Variants in GRIP1 observed in about 807,000 individuals in gnomAD.
GRIP1 encodes glutamate receptor interacting protein 1, also known as glutamate receptor-interacting protein 1.
GRIP1 carries 45 observed loss-of-function variants against 129.9 expected under a neutral mutation model. The ratio of observed to expected loss-of-function variants is 0.35; its 90% CI spans 0.27 to 0.44. GRIP1 has a LOEUF of 0.44. GRIP1 is among the 20% of genes least tolerant of loss of function. GRIP1 has a pLI of 1.00. For synonymous variants in GRIP1, 530 were observed against 520.8 expected, an observed-to-expected ratio of 1.02 and a Z score of -0.24; for missense variants, 1,196 against 1,396.8, an observed-to-expected ratio of 0.86 and a Z score of 2.29.
intron 1 of GRIP1, among the ~76,000 whole-genome samples, chr12:66,605,032 T>C (rs1267724075): frequency 7.0e-6 from 1 of 143,424 alleles, no homozygotes; most frequent in Non-Finnish European, 1.5e-5. Flanking sequence ...AACTAATGAA[T>C]ATGAAATTCA....
chr12:66,617,083 T>TTGTGTGTGTG (rs201866463), intron 1 of GRIP1, among the ~76,000 whole-genome samples: 1 of 51,152 alleles, frequency 2.0e-5, no homozygotes, highest in Non-Finnish European at 4.6e-5. Flanking sequence ...GCAACAGACG[T>TTGTGTGTGTG]TTTGTGTGTG....
chr12:66,401,592 A>ATGTG lies in GRIP1; in HGVS notation c.1984+4687_1984+4690dup, dbSNP rs760180986. On this transcript the variant is annotated intron_variant, in intron 16 of 24. Coordinates refer to ENST00000359742, the MANE Select transcript of GRIP1 (RefSeq NM_001366722.1). Reference sequence around the variant, plus strand: ...AAAATTCCGTCTCAAAAAAAAAAATATGTGTGTATATATATATACACACAC... The same window carrying ATGTG: ...AAAATTCCGTCTCAAAAAAAAAAATATGTGTGTGTGTATATATATATACACACAC... 9.4e-4 allele frequency among the ~76,000 whole-genome samples: 78 copies of ATGTG among 83,088 alleles called. 4 individuals are homozygous for ATGTG. The highest frequency in any genetic ancestry group is 2.6e-3 in the Admixed American group (19 of 7,182). The allele number at this position is 83,088 out of a possible 152,430, so 54.5% of individuals were successfully genotyped here.
chr12:66,636,244 G>A (rs754908702), intron 1 of GRIP1, among the ~76,000 whole-genome samples: 3 of 152,076 alleles, frequency 2.0e-5, no homozygotes, highest in Non-Finnish European at 2.9e-5. Flanking sequence ...TGGTTACCAG[G>A]GGCTGACAGG....
chr12:66,769,333 G>A (rs1208647439), intron 1 of GRIP1, among the ~76,000 whole-genome samples: 1 of 151,822 alleles, frequency 6.6e-6, no homozygotes. Flanking sequence ...TCAAGGTGAG[G>A]CCTCGTAAAC....
chr12:66,803,725 G>A (rs1480400907), intron 1 of GRIP1, among the ~76,000 whole-genome samples: 1 of 152,174 alleles, frequency 6.6e-6, no homozygotes, highest in East Asian at 1.9e-4. Flanking sequence ...AAAGAAAAAG[G>A]AAAGCAACAA....
intron 1 of GRIP1, among the ~76,000 whole-genome samples, chr12:66,880,021 G>A (rs78011006): frequency 6.6e-6 from 1 of 152,090 alleles, no homozygotes; most frequent in Non-Finnish European, 1.5e-5. Flanking sequence ...TGGGAGAAAT[G>A]CAAGTGATTA....
intron 1 of GRIP1, among the ~76,000 whole-genome samples, chr12:66,882,918 C>A (rs1592927057): frequency 6.6e-6 from 1 of 152,066 alleles, no homozygotes; most frequent in East Asian, 1.9e-4. Flanking sequence ...AGGTTCATAA[C>A]CAAAGAGACA....
chr12:66,360,352 T>C (rs191042479), intron 23 of GRIP1, among the ~76,000 whole-genome samples: 4 of 152,296 alleles, frequency 2.6e-5, no homozygotes, highest in Admixed American at 1.3e-4. Context: ...CATGCTCCTA[T>C]GGCTCACCAA....
intron 7 of GRIP1, among the ~76,000 whole-genome samples, chr12:66,476,851 C>A (rs4913502): frequency 2.0e-5 from 3 of 152,006 alleles, no homozygotes; most frequent in Non-Finnish European, 4.4e-5. Flanking sequence ...AAACTCTCAA[C>A]AAATTAGGTA....
chr12:66,681,037 A>C (rs867698239), upstream of GRIP1, among the ~76,000 whole-genome samples: 6 of 151,996 alleles, frequency 3.9e-5, no homozygotes, highest in African/African-American at 1.5e-4. Flanking sequence ...AAAATGTCCT[A>C]TTTCTTTGGC....
At chr12:66,691,756 C>T (rs1044068916) in intron 1 of GRIP1, among the ~76,000 whole-genome samples, 4 of 152,104 alleles carry the variant, frequency 2.6e-5, no homozygotes, top group Admixed American at 2.0e-4. Context: ...GGAAGAGAGT[C>T]CTTCCATAGA....
intron 19 of GRIP1, among the ~76,000 whole-genome samples, chr12:66,389,762 C>T (rs192133937): frequency 4.4e-4 from 67 of 152,262 alleles, no homozygotes; most frequent in Admixed American, 4.1e-3. Flanking sequence ...TGCTTTGCTC[C>T]GGGCTGTCGG....
intron 1 of GRIP1, among the ~76,000 whole-genome samples, chr12:66,941,880 T>G (rs1164113869): frequency 6.6e-6 from 1 of 152,238 alleles, no homozygotes; most frequent in East Asian, 1.9e-4. Context: ...ATCAGATCTC[T>G]TCAGCTTTGA....
At chr12:66,965,253 C>T (rs180716218) in intron 1 of GRIP1, among the ~76,000 whole-genome samples, 1 of 152,206 alleles carries the variant, frequency 6.6e-6, no homozygotes, top group Non-Finnish European at 1.5e-5. Context: ...ACTCCTTCAA[C>T]ATCTTTAGAT....
At chr12:66,628,094 T>C (rs970564274) in intron 1 of GRIP1, among the ~76,000 whole-genome samples, 1 of 152,190 alleles carries the variant, frequency 6.6e-6, no homozygotes, top group Non-Finnish European at 1.5e-5. Flanking sequence ...CAACTCTGCT[T>C]GGAGCAGCTG....
intron 2 of GRIP1, among the ~76,000 whole-genome samples, chr12:66,589,196 C>G (rs2063758195): frequency 2.8e-5 from 2 of 70,390 alleles, no homozygotes; most frequent in Admixed American, 1.6e-4. Flanking sequence ...CCCCCACCTT[C>G]TCTCTCTCTC....
At chr12:66,460,043 T>C (rs1042213864) in intron 9 of GRIP1, among the ~76,000 whole-genome samples, 2 of 152,132 alleles carry the variant, frequency 1.3e-5, no homozygotes, top group Non-Finnish European at 2.9e-5. Flanking sequence ...CAATATTCCT[T>C]TGAGGCAAGT....
intron 4 of GRIP1, among the ~76,000 whole-genome samples, chr12:66,532,103 C>G (rs2061478882): frequency 6.6e-6 from 1 of 152,186 alleles, no homozygotes; most frequent in Non-Finnish European, 1.5e-5. Flanking sequence ...TTTTCTACAG[C>G]TTTAGATTAT....
At chr12:66,853,293 T>C (rs1335373795) in intron 1 of GRIP1, among the ~76,000 whole-genome samples, 3 of 151,920 alleles carry the variant, frequency 2.0e-5, no homozygotes, top group Non-Finnish European at 4.4e-5. Flanking sequence ...CAAGCTTTTT[T>C]TTTCCTAAGC....
Sources: allele counts gnomAD v4.1 joint callset (sites outside exome capture counted in the v4.1 genomes callset), GRCh38; gene constraint gnomAD v4.1.1; transcripts MANE v1.5; gene names NCBI Gene and HGNC (gene_info 2026-07-23, HGNC 2026-07-21).